The following SPAG16 variants were observed in gnomAD, a reference collection of about 807,000 sequenced individuals.
The protein encoded by SPAG16 is sperm associated antigen 16.
SPAG16 carries 86 observed loss-of-function variants against 80.4 expected under a neutral mutation model. The observed-to-expected ratio is 1.07, with a 90% CI of 0.90 to 1.28. SPAG16 has a LOEUF of 1.28. Among genes scored for constraint, SPAG16 ranks in the 50% most tolerant of loss-of-function variants. The probability of loss-of-function intolerance (pLI) is 0.00; values close to 1 mark genes in which losing one functional copy is unlikely to be tolerated. For synonymous variants in SPAG16, 294 were observed against 265.9 expected, an observed-to-expected ratio of 1.11 and a Z score of -1.03; for missense variants, 870 against 765.3, an observed-to-expected ratio of 1.14 and a Z score of -1.61.
At chr2:213,826,101 A>C (rs2073280075) in intron 10 of SPAG16, among the ~76,000 whole-genome samples, 1 of 151,824 alleles carries the variant, frequency 6.6e-6, no homozygotes, top group South Asian at 2.1e-4. Context: ...TAGTTGAAAT[A>C]ACTCTTTTTT....
At chr2:213,667,776 A>G (rs528174379) in intron 10 of SPAG16, among the ~76,000 whole-genome samples, 11 of 152,352 alleles carry the variant, frequency 7.2e-5, no homozygotes, top group African/African-American at 2.4e-4. Flanking sequence ...TCTCACATAC[A>G]TAGACATGAG....
chr2:214,313,325 ATTAC>A (rs1197466349), intron 15 of SPAG16, among the ~76,000 whole-genome samples: 1 of 152,128 alleles, frequency 6.6e-6, no homozygotes. Flanking sequence ...GTGAAGTTAC[ATTAC>A]TTTTCATTAA....
intron 11 of SPAG16, among the ~76,000 whole-genome samples, chr2:213,871,790 A>G (rs62192578): frequency 0.6 from 89,964 of 150,752 alleles, 28,654 homozygotes; most frequent in South Asian, 0.85. Flanking sequence ...AACTTCTGTG[A>G]CCACACCAAA....
chr2:213,426,446 A>G (rs2069918466), intron 9 of SPAG16, among the ~76,000 whole-genome samples: 1 of 151,896 alleles, frequency 6.6e-6, no homozygotes, highest in Admixed American at 6.6e-5. Flanking sequence ...TTATTATTGC[A>G]TATTTGGTGT....
chr2:213,766,277 T>C (rs188284302), intron 10 of SPAG16, among the ~76,000 whole-genome samples: 64 of 152,350 alleles, frequency 4.2e-4, no homozygotes, highest in African/African-American at 1.5e-3. Flanking sequence ...GAATACAGGT[T>C]TCTTTCTTAG....
chr2:213,921,622 G>A lies in SPAG16; in HGVS notation c.1215-8338G>A, dbSNP rs913204928. 3.9e-5 allele frequency among the ~76,000 whole-genome samples: 6 copies of A among 152,182 alleles called. No homozygotes were observed. The East Asian group carries it at 5.8e-4, about 15-fold the overall frequency. ...GACTTGTCTGTGTGGTTGCTTTATA[G>A]TGTCACTGGTTTGTGTACTTAAGTG... On this transcript the variant is annotated intron_variant, in intron 11 of 15. Transcript: ENST00000331683.
At chr2:213,616,933 A>G (rs1373042919) in intron 10 of SPAG16, among the ~76,000 whole-genome samples, 2 of 152,172 alleles carry the variant, frequency 1.3e-5, no homozygotes, top group Non-Finnish European at 2.9e-5. Flanking sequence ...AGCAAGAACC[A>G]CAACATGAAA....
At chr2:213,437,127 C>G (rs1192230105) in intron 9 of SPAG16, among the ~76,000 whole-genome samples, 2 of 152,096 alleles carry the variant, frequency 1.3e-5, no homozygotes, top group Admixed American at 1.3e-4. Flanking sequence ...TCTCGATTTC[C>G]TGACCTCGTG....
At chr2:213,962,716 A>G (rs1471409299) in intron 12 of SPAG16, among the ~76,000 whole-genome samples, 1 of 152,224 alleles carries the variant, frequency 6.6e-6, no homozygotes, top group Non-Finnish European at 1.5e-5. Context: ...AACATTAGCT[A>G]ACTAATTCAA....
At chr2:213,781,502 C>G (rs1304419444) in intron 10 of SPAG16, among the ~76,000 whole-genome samples, 1 of 152,100 alleles carries the variant, frequency 6.6e-6, no homozygotes, top group Admixed American at 6.6e-5. Context: ...CTAACCCCTC[C>G]CCTGCCCATA....
At chr2:214,114,800 C>T (rs2053852333) in intron 14 of SPAG16, among the ~76,000 whole-genome samples, 1 of 152,194 alleles carries the variant, frequency 6.6e-6, no homozygotes, top group Non-Finnish European at 1.5e-5. Flanking sequence ...GGGTGGCCCT[C>T]TGTGGGCTGC....
chr2:214,111,847 T>C (rs1003735276), intron 14 of SPAG16, among the ~76,000 whole-genome samples: 7 of 152,188 alleles, frequency 4.6e-5, no homozygotes, highest in Non-Finnish European at 1.0e-4. Flanking sequence ...TCATATCCCT[T>C]GTGAGTTGGA....
chr2:214,372,514 T>C (rs1348936205), intron 15 of SPAG16, among the ~76,000 whole-genome samples: 2 of 152,222 alleles, frequency 1.3e-5, no homozygotes, highest in African/African-American at 4.8e-5. Flanking sequence ...AATATATCTC[T>C]GGGAATTGTT....
chr2:213,796,492 T>A (rs988058235), intron 10 of SPAG16, among the ~76,000 whole-genome samples: 4 of 152,214 alleles, frequency 2.6e-5, no homozygotes, highest in African/African-American at 9.6e-5. Flanking sequence ...TATGACTGAA[T>A]AATATTCCAT....
chr2:214,150,243 A>C (rs1413340156), intron 15 of SPAG16, among the ~76,000 whole-genome samples: 1 of 152,084 alleles, frequency 6.6e-6, no homozygotes. Flanking sequence ...GTTTCTTGGG[A>C]CTGGTTTCAT....
At chr2:213,657,327 A>G (rs904940709) in intron 10 of SPAG16, among the ~76,000 whole-genome samples, 1 of 152,134 alleles carries the variant, frequency 6.6e-6, no homozygotes. Context: ...CCTTCTGTAA[A>G]ATGGGGATAT....
At chr2:213,705,748 T>C (rs778501723) in intron 10 of SPAG16, among the ~76,000 whole-genome samples, 2 of 151,614 alleles carry the variant, frequency 1.3e-5, no homozygotes, top group African/African-American at 2.4e-5. Flanking sequence ...ATCTTGGAGC[T>C]CTCAAATAAA....
At chr2:213,513,487 C>A (rs746790115) in intron 10 of SPAG16, among the ~76,000 whole-genome samples, 1 of 151,930 alleles carries the variant, frequency 6.6e-6, no homozygotes. Flanking sequence ...CTTTTCTGAG[C>A]ATCTTTTTTT....
chr2:213,988,171 A>C (rs755133691), intron 12 of SPAG16, among the ~76,000 whole-genome samples: 2 of 152,098 alleles, frequency 1.3e-5, no homozygotes, highest in Non-Finnish European at 2.9e-5. Context: ...ATACAAATGC[A>C]TGCTATGAGC....
Sources: gnomAD v4.1 joint callset for allele counts (sites outside exome capture counted in the v4.1 genomes callset) on GRCh38, gnomAD v4.1.1 for gene constraint, MANE v1.5 for transcripts, NCBI Gene and HGNC (gene_info 2026-07-23, HGNC 2026-07-21) for gene names.